TBCD: variants seen among roughly 807,000 people sequenced by gnomAD.
TBCD encodes the protein tubulin folding cofactor D.
Under a neutral mutation model 169.3 loss-of-function variants are expected in TBCD, and 105 were observed. That is an observed-to-expected ratio of 0.62 (90% confidence interval 0.53 to 0.73). The LOEUF is 0.73. Among genes scored for constraint, TBCD ranks in the 30% least tolerant of loss-of-function variants. The pLI, the probability that TBCD is intolerant of heterozygous loss-of-function variation, is 0.00. For synonymous variants in TBCD, 700 were observed against 643.9 expected (o/e 1.09, Z -1.32); for missense variants, 1,444 against 1,600.1 (o/e 0.90, Z 1.66).
At chr17:82,937,570 C>T (rs2062735288) in intron 35 of TBCD, 8 of 611,356 alleles carry the variant, frequency 1.3e-5, no homozygotes, top group South Asian at 6.0e-5. Flanking sequence ...CGGGAACAGG[C>T]GAGCTCTGCC....
rs554121744 is a variant in TBCD at position 82,804,838 on chromosome 17, T to A, written c.951-1037T>A. On this transcript the variant is annotated intron_variant, in intron 9 of 38. Transcript: ENST00000355528. ...GGGGGTCGTGGGCTGTCTTGGAAAC[T>A]GCCCCCCTCCTTGTTTCCTAGACTT... 2.0e-5 allele frequency among the ~76,000 whole-genome samples: 3 copies of A among 152,346 alleles called. No homozygotes were observed. The South Asian group carries it at 6.2e-4, about 32-fold the overall frequency.
At chr17:82,829,306 C>T in intron 13 of TBCD, 1 of 121,504 alleles carries the variant, frequency 8.2e-6, no homozygotes, top group Middle Eastern at 5.4e-4. Context: ...CGAATGTGCA[C>T]ACCCCCCCCA....
chr17:82,885,570 G>A (rs2058660852), intron 15 of TBCD, among the ~76,000 whole-genome samples: 1 of 152,002 alleles, frequency 6.6e-6, no homozygotes, highest in African/African-American at 2.4e-5. Context: ...TCACATTTTT[G>A]CCCTGCTATT....
Position 82,889,569 on chromosome 17 carries a change from C to A in TBCD, c.1534-99C>A. On this transcript the variant is annotated intron_variant, in intron 15 of 38. Coordinates refer to ENST00000355528, the MANE Select transcript of TBCD (RefSeq NM_005993.5). This position sits in a 1 kb window ranked among gnomAD's most constrained non-coding sequence, Gnocchi z 5.3. Reference sequence around the variant, plus strand: ...GAGGGCTTTTATTTAAAAAATAAAGCCGTGGGTCATTCACGTTGTGCTGTT... The same window carrying A: ...GAGGGCTTTTATTTAAAAAATAAAGACGTGGGTCATTCACGTTGTGCTGTT... 1.4e-6 allele frequency: 2 copies of A among 1,425,798 alleles called. No homozygotes were observed. Among genetic ancestry groups the A allele is most frequent in the Non-Finnish European group, 9.8e-7 (1 of 1,019,818 alleles). The allele number at this position is 1,425,798 out of a possible 1,614,324, so 88.3% of individuals were successfully genotyped here.
At chr17:82,938,805 G>A (rs1305305571) in intron 36 of TBCD, among the ~76,000 whole-genome samples, 1 of 115,574 alleles carries the variant, frequency 8.7e-6, no homozygotes, top group African/African-American at 2.9e-5. Context: ...CTGATGAAAA[G>A]AGAGCAGGCG....
intron 18 of TBCD, among the ~76,000 whole-genome samples, chr17:82,901,992 C>A (rs2059925798): frequency 6.6e-6 from 1 of 152,116 alleles, no homozygotes; most frequent in African/African-American, 2.4e-5. Context: ...GTGGGACTCT[C>A]CAGCTGGTAC....
chr17:82,940,061 A>C (rs73368948), intron 37 of TBCD, among the ~76,000 whole-genome samples: 6,041 of 151,922 alleles, frequency 0.04, 409 homozygotes, highest in African/African-American at 0.14. Context: ...GTGTGTATTG[A>C]GTTGGGGGTG....
intron 14 of TBCD, among the ~76,000 whole-genome samples, chr17:82,878,605 T>C (rs1203801718): frequency 6.6e-6 from 1 of 152,216 alleles, no homozygotes; most frequent in Non-Finnish European, 1.5e-5. Flanking sequence ...TCCTGCGTGG[T>C]CTGGACCTTG....
rs187491424 is a variant in TBCD, at chr17:82,874,686, G to A, written c.1475+4306G>A. Among the ~76,000 whole-genome samples, 157 of 152,296 alleles carry A rather than the reference G, an allele frequency of 1.0e-3. No homozygotes were observed. Among genetic ancestry groups the A allele is most frequent in the African/African-American group, 3.6e-3 (150 of 41,566 alleles). On this transcript the variant is annotated intron_variant, in intron 14 of 38. Coordinates refer to ENST00000355528, the MANE Select transcript of TBCD (RefSeq NM_005993.5). This position sits in a 1 kb window ranked among gnomAD's most constrained non-coding sequence, Gnocchi z 5.0. ...GCAGACTCCAGGCATCCGGCCGGGC[G>A]GGCTGTGAGTCAGGCTGCACCAGGT...
chr17:82,849,183 C>CGTCAGGGCTGCCTACCGGGCTTG (rs2055426670), intron 13 of TBCD, among the ~76,000 whole-genome samples: 1 of 95,816 alleles, frequency 1.0e-5, no homozygotes, highest in Admixed American at 1.1e-4. Context: ...CTGCCTGCTG[C>CGTCAGGGCTGCCTACCGGGCTTG]GTCTTCTCAC....
At chr17:82,829,658 C>T (rs1032809056) in intron 13 of TBCD, 11 of 166,222 alleles carry the variant, frequency 6.6e-5, no homozygotes, top group African/African-American at 2.2e-4. Flanking sequence ...TATAAATAGC[C>T]TCTTGATGTT....
chr17:82,811,459 T>G (rs1220533513), intron 12 of TBCD, among the ~76,000 whole-genome samples: 1 of 152,254 alleles, frequency 6.6e-6, no homozygotes, highest in African/African-American at 2.4e-5. Flanking sequence ...TATTTTAATG[T>G]GCTCATTCCA....
intron 14 of TBCD, among the ~76,000 whole-genome samples, chr17:82,879,218 C>T (rs146473895): frequency 6.6e-6 from 1 of 151,496 alleles, no homozygotes; most frequent in East Asian, 1.9e-4. Flanking sequence ...TATTTGGAAT[C>T]CAGGACGCCG....
At chr17:82,918,966 A>G (rs2061246738) in intron 23 of TBCD, among the ~76,000 whole-genome samples, 1 of 152,238 alleles carries the variant, frequency 6.6e-6, no homozygotes. Context: ...AGTCGTATCT[A>G]AAACTAAATG....
At chr17:82,858,831 C>T (rs1197612151) in intron 13 of TBCD, among the ~76,000 whole-genome samples, 2 of 152,174 alleles carry the variant, frequency 1.3e-5, no homozygotes, top group South Asian at 2.1e-4. Flanking sequence ...GGGTGCGGCT[C>T]GTGGGTGGCT....
At chr17:82,893,678 G>T (rs1329571610) in intron 17 of TBCD, 46 bp downstream of exon 17, 2 of 1,379,074 alleles carry the variant, frequency 1.5e-6, no homozygotes, top group Non-Finnish European at 1.0e-6. Flanking sequence ...TCTAAAATCA[G>T]ATTGGATGTC....
chr17:82,869,689 C>G (rs994827133), intron 13 of TBCD, among the ~76,000 whole-genome samples: 1 of 152,200 alleles, frequency 6.6e-6, no homozygotes, highest in Non-Finnish European at 1.5e-5. Context: ...CTGTAGGAGC[C>G]GTGGCCGGCT....
intron 13 of TBCD, among the ~76,000 whole-genome samples, chr17:82,848,814 C>T (rs186934355): frequency 2.4e-4 from 37 of 152,206 alleles, no homozygotes; most frequent in African/African-American, 8.2e-4. Context: ...TGTCTTCCCC[C>T]GCTCTGCTGC....
chr17:82,937,801 C>G, intron 35 of TBCD: 1 of 1,362,020 alleles, frequency 7.3e-7, no homozygotes, highest in Non-Finnish European at 9.8e-7. Context: ...GCAGGGCGAG[C>G]GGCCCTGCAG....
Sources: allele counts gnomAD v4.1 joint callset (sites outside exome capture counted in the v4.1 genomes callset), GRCh38; gene constraint gnomAD v4.1.1; non-coding constraint Gnocchi (gnomAD v3.1); transcripts MANE v1.5; gene names NCBI Gene and HGNC (gene_info 2026-07-23, HGNC 2026-07-21).